ADAMTS6: variants seen among roughly 807,000 people sequenced by gnomAD.
The protein encoded by ADAMTS6 is A disintegrin and metalloproteinase with thrombospondin motifs 6.
Under a neutral mutation model 144.3 loss-of-function variants are expected in ADAMTS6, and 23 were observed. The observed-to-expected ratio is 0.16, with a 90% CI of 0.11 to 0.23. The LOEUF is 0.23. Among genes scored for constraint, ADAMTS6 ranks in the 10% least tolerant of loss-of-function variants. The pLI, the probability that ADAMTS6 is intolerant of heterozygous loss-of-function variation, is 1.00. For missense variants in ADAMTS6, 999 were observed against 1,379.6 expected (o/e 0.72, Z 4.37); for synonymous variants, 444 against 457.5 (o/e 0.97, Z 0.38).
At chr5:65,300,275 A>G in intron 9 of ADAMTS6, 144 bp from the exon 10 acceptor site, 1 of 677,402 alleles carries the variant, frequency 1.5e-6, no homozygotes, top group East Asian at 2.7e-5. Flanking sequence ...GAAATTTAGG[A>G]TTAAAATTAA....
chr5:65,208,287 C>A (rs1484239837), intron 20 of ADAMTS6, among the ~76,000 whole-genome samples: 2 of 152,186 alleles, frequency 1.3e-5, no homozygotes, highest in Admixed American at 1.3e-4. Context: ...ACCTATGGAA[C>A]TTTTCAAAGC....
At chr5:65,312,035 T>C (rs981491381) in intron 9 of ADAMTS6, among the ~76,000 whole-genome samples, 1 of 152,022 alleles carries the variant, frequency 6.6e-6, no homozygotes, top group South Asian at 2.1e-4. Flanking sequence ...CACTAGTACA[T>C]AGAACATGTA....
chr5:65,274,048 C>T (rs1472154283), intron 11 of ADAMTS6, among the ~76,000 whole-genome samples: 1 of 152,112 alleles, frequency 6.6e-6, no homozygotes, highest in Non-Finnish European at 1.5e-5. Context: ...TGAAAGGAAA[C>T]TTGGTTTTGA....
At chr5:65,332,449 T>C (rs1746855827) in intron 8 of ADAMTS6, among the ~76,000 whole-genome samples, 1 of 151,842 alleles carries the variant, frequency 6.6e-6, no homozygotes, top group South Asian at 2.1e-4. Context: ...TGAGGTCTAG[T>C]GTCTATTATA....
Position 65,151,167 on chromosome 5 carries a change from C to G in ADAMTS6, c.*669G>C, listed in dbSNP as rs555247148. On this transcript the variant is annotated 3_prime_UTR_variant, in exon 25 of 25. Coordinates refer to ENST00000381055, the MANE Select transcript of ADAMTS6 (RefSeq NM_197941.4). ...ATGCACTGCTTTAAACTATGCCCCT[C>G]ATTATTGTTCAGTTTAATATAGTTT... 6.5e-6 allele frequency: 1 copy of G among 152,770 alleles called. No homozygotes were observed. The highest frequency in any genetic ancestry group is 2.4e-5 in the African/African-American group (1 of 41,574). 9.5% of individuals were successfully genotyped at this position (152,770 alleles called of 1,614,324 possible). A position where few individuals can be genotyped will look rare whatever the true frequency, so the allele number is the denominator to read the frequency against.
intron 7 of ADAMTS6, among the ~76,000 whole-genome samples, chr5:65,414,841 A>C (rs1362628919): frequency 6.6e-6 from 1 of 152,192 alleles, no homozygotes; most frequent in Non-Finnish European, 1.5e-5. Flanking sequence ...TTCAAAACGA[A>C]CCCAAAGACC....
intron 9 of ADAMTS6, among the ~76,000 whole-genome samples, chr5:65,309,230 A>G (rs182651005): frequency 8.4e-4 from 128 of 152,046 alleles, no homozygotes; most frequent in Middle Eastern, 3.4e-3. Flanking sequence ...ACAACTCACT[A>G]CAATGTAGAA....
chr5:65,276,033 GA>G (rs1554060627), intron 11 of ADAMTS6, among the ~76,000 whole-genome samples: 1 of 147,338 alleles, frequency 6.8e-6, no homozygotes, highest in East Asian at 2.0e-4. Context: ...TTCTATTATT[GA>G]AAAAGACGAT....
intron 9 of ADAMTS6, among the ~76,000 whole-genome samples, chr5:65,310,424 G>A (rs896567924): frequency 1.3e-5 from 2 of 152,160 alleles, no homozygotes; most frequent in African/African-American, 2.4e-5. Context: ...TACATGGGAG[G>A]CTGAGGCAGA....
At chr5:65,398,801 AAAGAAAGAAAG>A (rs1326530660) in intron 7 of ADAMTS6, among the ~76,000 whole-genome samples, 22 of 109,302 alleles carry the variant, frequency 2.0e-4, no homozygotes, top group Non-Finnish European at 3.6e-4. Context: ...AGAAAGAAAG[AAAGAAAGAAAG>A]AAAGAAAGAA....
intron 14 of ADAMTS6, among the ~76,000 whole-genome samples, chr5:65,250,325 T>G (rs548120751): frequency 1.3e-5 from 2 of 152,324 alleles, no homozygotes; most frequent in African/African-American, 4.8e-5. Context: ...ACAGTCAGGA[T>G]TCACACTCAA....
chr5:65,173,658 G>A (rs1389106966), intron 22 of ADAMTS6, among the ~76,000 whole-genome samples: 1 of 152,148 alleles, frequency 6.6e-6, no homozygotes, highest in African/African-American at 2.4e-5. Flanking sequence ...GTTTCTAGAA[G>A]TCACCTATTT....
Position 65,222,605 on chromosome 5 carries a change from C to G in ADAMTS6, c.2272+1715G>C, listed in dbSNP as rs1030360005. 1.1e-4 allele frequency among the ~76,000 whole-genome samples: 16 copies of G among 151,880 alleles called. No homozygotes were observed. The East Asian group carries it at 2.5e-3, about 24-fold the overall frequency. ...TCAAGTAAATAAATAATTGTTCTTC[C>G]CCAAATAGATTTGCCTGGTTGTCTC... On this transcript the variant is annotated intron_variant, in intron 18 of 24. Transcript: ENST00000381055.
intron 7 of ADAMTS6, among the ~76,000 whole-genome samples, chr5:65,376,133 G>T (rs2150128086): frequency 6.6e-6 from 1 of 151,932 alleles, no homozygotes; most frequent in South Asian, 2.1e-4. Context: ...AGGGGGGAGG[G>T]ATAGCATTGG....
chr5:65,479,443 A>G (rs888282203), intron 1 of ADAMTS6, among the ~76,000 whole-genome samples: 1 of 152,200 alleles, frequency 6.6e-6, no homozygotes, highest in African/African-American at 2.4e-5. Context: ...ATGTAGTCTC[A>G]CACTTTTTTC....
chr5:65,260,870 T>C (rs41268423), intron 13 of ADAMTS6, among the ~76,000 whole-genome samples: 19,622 of 152,124 alleles, frequency 0.13, 1,358 homozygotes, highest in African/African-American at 0.15. Context: ...ATTATTAATT[T>C]TATTAATAGT....
chr5:65,457,890 C>G (rs1431002926), intron 4 of ADAMTS6, among the ~76,000 whole-genome samples: 1 of 151,400 alleles, frequency 6.6e-6, no homozygotes, highest in Non-Finnish European at 1.5e-5. Flanking sequence ...CGACGCCTGG[C>G]TAATTTTTGT....
chr5:65,246,396 A>C lies in ADAMTS6; in HGVS notation c.1831-4190T>G, dbSNP rs186092534. 3.7e-4 allele frequency among the ~76,000 whole-genome samples: 56 copies of C among 152,356 alleles called. 3 individuals carry two copies. The East Asian group carries it at 9.6e-3, about 26-fold the overall frequency. ...ATACAATGCTTAATAGCTGGCAGAT[A>C]TAATCTAGGCTGCAGGGTTACAGAA... On this transcript the variant is annotated intron_variant, in intron 14 of 24. Transcript: ENST00000381055.
chr5:65,384,862 A>C (rs1433109609), intron 7 of ADAMTS6, among the ~76,000 whole-genome samples: 2 of 152,214 alleles, frequency 1.3e-5, no homozygotes. Context: ...GGTAATTTAT[A>C]AGCAACAGAA....
Sources: allele counts gnomAD v4.1 joint callset (sites outside exome capture counted in the v4.1 genomes callset), GRCh38; gene constraint gnomAD v4.1.1; transcripts MANE v1.5; gene names NCBI Gene and HGNC (gene_info 2026-07-23, HGNC 2026-07-21).